UCHL5: variants seen among roughly 807,000 people sequenced by gnomAD.
UCHL5 encodes the protein ubiquitin carboxyl-terminal hydrolase isozyme L5.
Under a neutral mutation model 53.8 loss-of-function variants are expected in UCHL5, and 34 were observed. That is an observed-to-expected ratio of 0.63 (90% CI 0.48 to 0.84). The LOEUF (loss-of-function observed/expected upper bound fraction) is 0.84, where lower values mean the gene tolerates loss of function less well. Among genes scored for constraint, UCHL5 ranks in the 40% least tolerant of loss-of-function variants. UCHL5 has a pLI of 0.00. For missense variants in UCHL5, 290 were observed against 385.6 expected (o/e 0.75, Z 2.08); for synonymous variants, 111 against 126.3 (o/e 0.88, Z 0.81).
At chr1:193,028,700 T>C in intron 6 of UCHL5, among the ~76,000 whole-genome samples, 1 of 152,196 alleles carries the variant, frequency 6.6e-6, no homozygotes, top group East Asian at 1.9e-4. Flanking sequence ...GAACAATCTA[T>C]GTTTTTGCAG....
rs1654362565 is a variant in UCHL5, at chr1:193,012,868, A to C, written c.*3483T>G. ...TGAATAAATCACTGAATAGTTTTCA[A>C]AAAGTTAATGTAATCAAGTCAAAAA... On this transcript the variant is annotated 3_prime_UTR_variant, in exon 11 of 11. Transcript: ENST00000367454. The C allele has an allele frequency of 6.6e-6, 1 of 152,230 alleles. No individual in the cohort carries two copies. Among genetic ancestry groups the C allele is most frequent in the African/African-American group, 2.4e-5 (1 of 41,458 alleles). 9.4% of individuals were successfully genotyped at this position (152,230 alleles called of 1,614,324 possible).
chr1:193,059,760 T>G (rs772343277), upstream of UCHL5: 61 of 1,355,398 alleles, frequency 4.5e-5, no homozygotes, highest in Non-Finnish European at 5.5e-5. This position sits in a 1 kb window ranked among gnomAD's most constrained non-coding sequence, Gnocchi z 4.9. Context: ...ATCCAGGGGG[T>G]CGGCTGCCAG....
chr1:193,043,493 A>G (rs1005281180), intron 3 of UCHL5, among the ~76,000 whole-genome samples: 24 of 152,186 alleles, frequency 1.6e-4, no homozygotes, highest in African/African-American at 9.6e-5. Flanking sequence ...TTTTATGACT[A>G]TAGTAAAGAA....
At chr1:193,048,629 C>T (rs1668067585) in intron 3 of UCHL5, among the ~76,000 whole-genome samples, 1 of 152,196 alleles carries the variant, frequency 6.6e-6, no homozygotes, top group African/African-American at 2.4e-5. Flanking sequence ...TCCAACTACA[C>T]ATCTGTGTGA....
At chr1:193,031,191 T>C (rs1020032547) in intron 3 of UCHL5, among the ~76,000 whole-genome samples, 1 of 152,184 alleles carries the variant, frequency 6.6e-6, no homozygotes, top group Admixed American at 6.5e-5. Flanking sequence ...TACTCCCTTA[T>C]CTTAGGTCTA....
intron 7 of UCHL5, among the ~76,000 whole-genome samples, chr1:193,026,431 A>C (rs1250454393): frequency 6.6e-6 from 1 of 152,218 alleles, no homozygotes; most frequent in African/African-American, 2.4e-5. Context: ...AAATACGTAA[A>C]GAACTTCAGA....
At chr1:193,036,872 C>T (rs1440762637) in intron 3 of UCHL5, among the ~76,000 whole-genome samples, 1 of 151,508 alleles carries the variant, frequency 6.6e-6, no homozygotes, top group Non-Finnish European at 1.5e-5. Context: ...TACACAAACA[C>T]ATAGAGATTA....
intron 3 of UCHL5, among the ~76,000 whole-genome samples, chr1:193,046,229 C>G (rs1336394970): frequency 1.3e-5 from 2 of 151,814 alleles, no homozygotes; most frequent in East Asian, 3.9e-4. Flanking sequence ...CAGGGTCGCC[C>G]TATATCGCCC....
Position 193,049,794 on chromosome 1 carries a change from G to C in UCHL5, c.198C>G (p.Gly66=), listed in dbSNP as rs1047398689. 1.9e-6 allele frequency: 3 copies of C among 1,612,842 alleles called. No individual in the cohort carries two copies. The highest frequency in any genetic ancestry group is 2.7e-5 in the African/African-American group (2 of 74,908). ...FKWQPGEEPA[G]SVVQDSRLDT... Reference sequence around the variant, plus strand: ...CAAGTCGGGAGTCCTGAACCACAGAGCCTGCTGGTTCTTCTCCTGGCTGCC... The same window carrying C: ...CAAGTCGGGAGTCCTGAACCACAGACCCTGCTGGTTCTTCTCCTGGCTGCC... Residue 66 remains glycine (G), a synonymous_variant, in exon 3 of 11, where the codon GGC becomes GGG. Transcript: ENST00000367454.
At chr1:193,058,605 C>CAGAGAGCGGAACCAGTG (rs1305036509) in intron 1 of UCHL5, among the ~76,000 whole-genome samples, 1 of 152,242 alleles carries the variant, frequency 6.6e-6, no homozygotes, top group African/African-American at 2.4e-5. Flanking sequence ...CAGAAATGAG[C>CAGAGAGCGGAACCAGTG]AGAGAGCGGA....
intron 7 of UCHL5, among the ~76,000 whole-genome samples, chr1:193,025,343 A>G (rs1658762648): frequency 6.6e-6 from 1 of 152,248 alleles, no homozygotes; most frequent in African/African-American, 2.4e-5. Flanking sequence ...ACCTTTAACA[A>G]GGTTCCTAGG....
At chr1:193,028,219 G>T in intron 6 of UCHL5, 71 bp from the exon 7 acceptor site, 2 of 1,315,072 alleles carry the variant, frequency 1.5e-6, no homozygotes, top group Non-Finnish European at 2.1e-6. Flanking sequence ...GCAAAAGTTT[G>T]GCCCAAAATA....
rs574820314 is a variant in UCHL5, at chr1:193,015,748, C to T, written c.*603G>A. ...ATACATAAACAAATAACCCCAAACA[C>T]TTGAAGAAAATTTACTAAAATAAAA... On this transcript the variant is annotated 3_prime_UTR_variant, in exon 11 of 11. Coordinates refer to ENST00000367454, the MANE Select transcript of UCHL5 (RefSeq NM_001199261.3). 4.6e-5 allele frequency: 7 copies of T among 152,026 alleles called. No individual in the cohort carries two copies. The highest frequency in any genetic ancestry group is 2.4e-5 in the African/African-American group (1 of 41,444). The allele number at this position is 152,026 out of a possible 1,614,324, so 9.4% of individuals were successfully genotyped here.
intron 3 of UCHL5, among the ~76,000 whole-genome samples, chr1:193,039,007 A>G (rs1664617018): frequency 6.6e-6 from 1 of 152,230 alleles, no homozygotes; most frequent in African/African-American, 2.4e-5. Context: ...AAAGTTGAAG[A>G]ATATAAAATC....
intron 9 of UCHL5, among the ~76,000 whole-genome samples, chr1:193,022,407 CCA>C (rs1657389888): frequency 6.6e-6 from 1 of 152,118 alleles, no homozygotes; most frequent in South Asian, 2.1e-4. Flanking sequence ...CATTCCACAT[CCA>C]AGCACTTTGG....
intron 10 of UCHL5, 64 bp from the exon 11 acceptor site, chr1:193,016,459 A>G: frequency 1.4e-6 from 2 of 1,472,356 alleles, no homozygotes; most frequent in Non-Finnish European, 1.9e-6. Flanking sequence ...ATTAGAATAA[A>G]ATGTGCCTAA....
At chr1:193,039,418 AT>A (rs1664771853) in intron 3 of UCHL5, among the ~76,000 whole-genome samples, 2 of 152,172 alleles carry the variant, frequency 1.3e-5, no homozygotes, top group Non-Finnish European at 2.9e-5. Context: ...CAAAAAAAAA[AT>A]AATAATCTAA....
chr1:193,021,529 G>A (rs1053489159), intron 9 of UCHL5, among the ~76,000 whole-genome samples: 5 of 152,162 alleles, frequency 3.3e-5, no homozygotes, highest in African/African-American at 9.7e-5. Flanking sequence ...CAAATAATCA[G>A]GCAAAGTCTA....
chr1:193,035,834 A>C, intron 3 of UCHL5, among the ~76,000 whole-genome samples: 1 of 152,120 alleles, frequency 6.6e-6, no homozygotes, highest in Non-Finnish European at 1.5e-5. Flanking sequence ...GACAAAACAC[A>C]AAGTCAAAAT....
Sources: allele counts gnomAD v4.1 joint callset (sites outside exome capture counted in the v4.1 genomes callset), GRCh38; gene constraint gnomAD v4.1.1; non-coding constraint Gnocchi (gnomAD v3.1); transcripts MANE v1.5; gene names NCBI Gene and HGNC (gene_info 2026-07-23, HGNC 2026-07-21).